PTPRT: variants seen among roughly 807,000 people sequenced by gnomAD.
PTPRT encodes the protein protein tyrosine phosphatase receptor type T, also known as receptor-type tyrosine-protein phosphatase T.
In PTPRT, 56 loss-of-function variants were observed where a neutral mutation model predicts 176.8. The ratio of observed to expected loss-of-function variants is 0.32; its 90% CI spans 0.26 to 0.40. The LOEUF (loss-of-function observed/expected upper bound fraction) is 0.40. PTPRT is among the 10% of genes least tolerant of loss of function. The pLI is 1.00. For synonymous variants in PTPRT, 783 were observed against 739.0 expected (o/e 1.06, Z -0.96); for missense variants, 1,540 against 1,908.2 (o/e 0.81, Z 3.60).
intron 1 of PTPRT, among the ~76,000 whole-genome samples, chr20:42,941,090 A>AAAG (rs1379009297): frequency 1.3e-5 from 2 of 149,506 alleles, no homozygotes; most frequent in African/African-American, 5.0e-5. Flanking sequence ...TCAAAAAAAA[A>AAAG]TAATAATAAT....
chr20:43,173,775 T>C (rs1223919984), intron 1 of PTPRT, among the ~76,000 whole-genome samples: 1 of 152,210 alleles, frequency 6.6e-6, no homozygotes, highest in African/African-American at 2.4e-5. Context: ...ATTACCTGCT[T>C]GTATGACTGG....
intron 7 of PTPRT, among the ~76,000 whole-genome samples, chr20:42,487,866 T>C (rs1222950697): frequency 6.6e-6 from 1 of 152,216 alleles, no homozygotes; most frequent in Non-Finnish European, 1.5e-5. Context: ...TCTGTATGTT[T>C]ATTGACACTC....
chr20:42,966,152 C>T (rs941430260), intron 1 of PTPRT, among the ~76,000 whole-genome samples: 2 of 152,170 alleles, frequency 1.3e-5, no homozygotes, highest in Admixed American at 6.5e-5. Flanking sequence ...AATTGATTTG[C>T]CTTTTCGGGT....
chr20:42,384,213 G>A (rs1383739391), intron 9 of PTPRT, among the ~76,000 whole-genome samples: 1 of 152,184 alleles, frequency 6.6e-6, no homozygotes, highest in Non-Finnish European at 1.5e-5. Context: ...ATACAATGTG[G>A]CTCTTGCTTT....
chr20:42,839,278 C>T (rs749509750), intron 2 of PTPRT, among the ~76,000 whole-genome samples: 8 of 151,056 alleles, frequency 5.3e-5, no homozygotes, highest in Admixed American at 1.3e-4. Flanking sequence ...CACTCTGAAG[C>T]TCGGGCACAC....
At chr20:42,616,918 A>C (rs1239068000) in intron 7 of PTPRT, among the ~76,000 whole-genome samples, 1 of 132,722 alleles carries the variant, frequency 7.5e-6, no homozygotes, top group Admixed American at 7.2e-5. Flanking sequence ...TTCCTAATTG[A>C]ATACCCTTTA....
intron 7 of PTPRT, among the ~76,000 whole-genome samples, chr20:42,577,969 G>GTGTGTGTGTGTGTGTGTA (rs564005742): frequency 5.6e-4 from 78 of 140,412 alleles, no homozygotes; most frequent in African/African-American, 2.1e-3. Flanking sequence ...GTGTGTGTGT[G>GTGTGTGTGTGTGTGTGTA]TAGGCATACC....
intron 7 of PTPRT, among the ~76,000 whole-genome samples, chr20:42,559,395 T>C (rs964214629): frequency 1.3e-5 from 2 of 152,186 alleles, no homozygotes; most frequent in Admixed American, 6.5e-5. Flanking sequence ...GCAAAGCAGC[T>C]AGTAGAGTCC....
intron 7 of PTPRT, among the ~76,000 whole-genome samples, chr20:42,564,077 G>A (rs1017494617): frequency 1.3e-5 from 2 of 152,192 alleles, no homozygotes; most frequent in African/African-American, 4.8e-5. Context: ...GCCAGGGCTG[G>A]AGGTGACTCA....
chr20:42,995,636 G>A (rs760164931), intron 1 of PTPRT, among the ~76,000 whole-genome samples: 21 of 152,088 alleles, frequency 1.4e-4, no homozygotes, highest in Non-Finnish European at 2.9e-4. Flanking sequence ...TCCCAGGAAG[G>A]ACTGTCTTCT....
chr20:42,867,183 G>A (rs572426794), intron 2 of PTPRT, among the ~76,000 whole-genome samples: 2 of 152,290 alleles, frequency 1.3e-5, no homozygotes, highest in South Asian at 4.1e-4. Context: ...TGCTTTGTAT[G>A]TGAAATTTTA....
chr20:42,406,671 A>G (rs529590375), intron 9 of PTPRT, among the ~76,000 whole-genome samples: 2 of 152,202 alleles, frequency 1.3e-5, no homozygotes, highest in Non-Finnish European at 2.9e-5. Flanking sequence ...TTCATGCCAA[A>G]ACAGGATACA....
chr20:42,107,044 C>T, intron 23 of PTPRT, 123 bp from the exon 24 acceptor site: 2 of 1,252,082 alleles, frequency 1.6e-6, no homozygotes, highest in Non-Finnish European at 1.1e-6. Context: ...TGTGTTCCCA[C>T]ATTTCCTTTC....
chr20:42,535,283 G>A (rs2072456592), intron 7 of PTPRT, among the ~76,000 whole-genome samples: 1 of 152,050 alleles, frequency 6.6e-6, no homozygotes, highest in South Asian at 2.1e-4. Context: ...GAGTACATAG[G>A]GACACAAAGA....
intron 18 of PTPRT, among the ~76,000 whole-genome samples, chr20:42,134,558 G>A (rs1988281388): frequency 6.6e-6 from 1 of 152,108 alleles, no homozygotes; most frequent in Non-Finnish European, 1.5e-5. Flanking sequence ...CACAAGTCTA[G>A]GGGAACATCA....
intron 8 of PTPRT, among the ~76,000 whole-genome samples, chr20:42,463,487 C>T (rs1234631955): frequency 6.6e-6 from 1 of 152,052 alleles, no homozygotes; most frequent in Admixed American, 6.6e-5. Context: ...TGTAATTAAA[C>T]CAGATGTTTT....
At chr20:42,884,515 G>A (rs143428690) in intron 2 of PTPRT, among the ~76,000 whole-genome samples, 1 of 152,282 alleles carries the variant, frequency 6.6e-6, no homozygotes, top group East Asian at 1.9e-4. Flanking sequence ...CAGCTGGGCA[G>A]TGGGTTGTGT....
At chr20:42,999,575 G>A (rs1008268596) in intron 1 of PTPRT, among the ~76,000 whole-genome samples, 21 of 151,462 alleles carry the variant, frequency 1.4e-4, no homozygotes, top group African/African-American at 5.1e-4. Context: ...GGGAAACATG[G>A]TGAGACCCAG....
Position 42,296,791 on chromosome 20 carries a change from T to G in PTPRT, c.2140-14266A>C, listed in dbSNP as rs377440103. On this transcript the variant is annotated intron_variant, in intron 12 of 30. Coordinates refer to ENST00000373187, the MANE Select transcript of PTPRT (RefSeq NM_007050.6). Reference sequence around the variant, plus strand: ...CTACAACAAACATAGTCAATAATAATTTATTTGTACATTTTAAAATAACAG... The same window carrying G: ...CTACAACAAACATAGTCAATAATAAGTTATTTGTACATTTTAAAATAACAG... 1.1e-4 allele frequency among the ~76,000 whole-genome samples: 17 copies of G among 152,290 alleles called. 1 individual carries two copies. The highest frequency in any genetic ancestry group is 7.2e-4 in the Admixed American group (11 of 15,290).
Sources: allele counts gnomAD v4.1 joint callset (sites outside exome capture counted in the v4.1 genomes callset), GRCh38; gene constraint gnomAD v4.1.1; transcripts MANE v1.5; gene names NCBI Gene and HGNC (gene_info 2026-07-23, HGNC 2026-07-21).